Variants in DNAJC1 observed in about 807,000 individuals in gnomAD.
DNAJC1 encodes DnaJ heat shock protein family (Hsp40) member C1.
A neutral mutation model predicts 76.6 loss-of-function variants in DNAJC1; 58 were observed. That is an observed-to-expected ratio of 0.76 (90% CI 0.61 to 0.94). DNAJC1 has a LOEUF of 0.94. Ranked by LOEUF, DNAJC1 falls within the 40% of genes least tolerant of loss-of-function variation. The probability of loss-of-function intolerance (pLI) is 0.00; values close to 1 mark genes in which losing one functional copy is unlikely to be tolerated. For missense variants in DNAJC1, 689 were observed against 677.3 expected (o/e 1.02, Z -0.19); for synonymous variants, 258 against 267.9 (o/e 0.96, Z 0.36).
intron 8 of DNAJC1, among the ~76,000 whole-genome samples, chr10:21,853,787 C>CAAA (rs1011936425): frequency 1.8e-3 from 23 of 12,592 alleles, no homozygotes; most frequent in African/African-American, 2.4e-3. Flanking sequence ...GACTCCATCT[C>CAAA]AAAAAAAAAA....
intron 1 of DNAJC1, among the ~76,000 whole-genome samples, chr10:21,992,874 G>A (rs1463222734): frequency 6.6e-6 from 1 of 152,130 alleles, no homozygotes; most frequent in Non-Finnish European, 1.5e-5. Flanking sequence ...TTACTCTGGA[G>A]TTATTGTAAA....
At chr10:21,913,384 T>C (rs2131758702) in intron 6 of DNAJC1, among the ~76,000 whole-genome samples, 1 of 152,300 alleles carries the variant, frequency 6.6e-6, no homozygotes, top group African/African-American at 2.4e-5. Flanking sequence ...TGCAGAGAAC[T>C]GTGTCTATGA....
intron 10 of DNAJC1, among the ~76,000 whole-genome samples, chr10:21,764,504 T>A (rs1479342815): frequency 6.6e-6 from 1 of 152,218 alleles, no homozygotes. Context: ...CTGTAGAAGG[T>A]CATTTTCCCC....
chr10:21,890,491 CA>C (rs1836444970), intron 7 of DNAJC1, among the ~76,000 whole-genome samples: 1 of 149,546 alleles, frequency 6.7e-6, no homozygotes, highest in Admixed American at 6.6e-5. Context: ...CCAATGGTAA[CA>C]AAGCCATCCC....
At chr10:21,887,123 G>T (rs1267395310) in intron 7 of DNAJC1, among the ~76,000 whole-genome samples, 2 of 151,840 alleles carry the variant, frequency 1.3e-5, no homozygotes, top group African/African-American at 4.8e-5. Flanking sequence ...AAATCAGAAA[G>T]GCAATCCTAT....
chr10:21,771,809 C>A (rs1032125117), intron 9 of DNAJC1, among the ~76,000 whole-genome samples: 1 of 152,142 alleles, frequency 6.6e-6, no homozygotes, highest in African/African-American at 2.4e-5. Flanking sequence ...AAACACTTCT[C>A]TTGAGATGAT....
chr10:21,966,428 G>T (rs1277500455), intron 1 of DNAJC1, among the ~76,000 whole-genome samples: 1 of 87,052 alleles, frequency 1.1e-5, no homozygotes. Context: ...TGTTTATCTA[G>T]TGGTGATTTT....
chr10:21,996,427 C>T (rs1200614852), intron 1 of DNAJC1, among the ~76,000 whole-genome samples: 1 of 152,204 alleles, frequency 6.6e-6, no homozygotes, highest in Admixed American at 6.5e-5. Context: ...TCTCAGCAAT[C>T]AAGTCAAATA....
intron 1 of DNAJC1, among the ~76,000 whole-genome samples, chr10:21,981,304 T>C (rs1317932408): frequency 1.3e-5 from 2 of 152,200 alleles, no homozygotes; most frequent in Non-Finnish European, 2.9e-5. Flanking sequence ...TGAATGATAA[T>C]TCTATCATTT....
intron 1 of DNAJC1, among the ~76,000 whole-genome samples, chr10:21,968,475 A>G (rs1009342305): frequency 2.0e-5 from 3 of 151,318 alleles, no homozygotes; most frequent in African/African-American, 7.3e-5. Flanking sequence ...TTTTCTCCAT[A>G]CTTTAAATTC....
At chr10:21,895,635 G>C (rs1026577252) in intron 7 of DNAJC1, among the ~76,000 whole-genome samples, 3 of 152,196 alleles carry the variant, frequency 2.0e-5, no homozygotes, top group African/African-American at 7.2e-5. Flanking sequence ...AAGTATGCTT[G>C]AGGGAGAATG....
chr10:21,770,820 A>T (rs1416044994), intron 9 of DNAJC1, among the ~76,000 whole-genome samples: 1 of 152,136 alleles, frequency 6.6e-6, no homozygotes, highest in Non-Finnish European at 1.5e-5. Flanking sequence ...CCTTTGACTC[A>T]CAAAAGTTTT....
At chr10:21,998,157 G>A (rs1359468792) in intron 1 of DNAJC1, among the ~76,000 whole-genome samples, 1 of 152,064 alleles carries the variant, frequency 6.6e-6, no homozygotes, top group Non-Finnish European at 1.5e-5. Context: ...TTGGGAGGCC[G>A]AGGTGGGTGG....
At position 21,945,499 on chromosome 10, in the gene DNAJC1, A is replaced by G. The variant is rs570318185; in HGVS notation, c.223-16358T>C. On this transcript the variant is annotated intron_variant, in intron 1 of 11. Transcript: ENST00000376980. ...CTGACAGTATGTTTCCAGAGCAGGA[A>G]GGGGTAGAGTAAGGGACAGAATCCA... 7.9e-5 allele frequency among the ~76,000 whole-genome samples: 12 copies of G among 152,286 alleles called. No individual in the cohort carries two copies. In the East Asian group the frequency reaches 1.3e-3, roughly 17 times the overall value.
chr10:21,827,384 C>T (rs576215643), intron 8 of DNAJC1, among the ~76,000 whole-genome samples: 1 of 152,272 alleles, frequency 6.6e-6, no homozygotes, highest in South Asian at 2.1e-4. Flanking sequence ...TAGTATTCCA[C>T]TGTGTCTTCA....
intron 1 of DNAJC1, among the ~76,000 whole-genome samples, chr10:21,937,712 G>A (rs985535602): frequency 3.9e-5 from 6 of 152,026 alleles, no homozygotes; most frequent in African/African-American, 1.2e-4. Context: ...CCCTATTTTA[G>A]GCTATTAAAT....
intron 7 of DNAJC1, among the ~76,000 whole-genome samples, chr10:21,897,355 A>C (rs1306366085): frequency 2.6e-5 from 4 of 152,194 alleles, no homozygotes; most frequent in Admixed American, 1.3e-4. Context: ...AATCACAATT[A>C]TTGATAGAGG....
intron 3 of DNAJC1, among the ~76,000 whole-genome samples, chr10:21,924,196 G>A (rs1207470176): frequency 6.6e-6 from 1 of 151,936 alleles, no homozygotes; most frequent in African/African-American, 2.4e-5. Context: ...TAGGAAAGGT[G>A]CCAAAATAAA....
chr10:21,971,486 A>T (rs1163346555), intron 1 of DNAJC1, among the ~76,000 whole-genome samples: 1 of 151,864 alleles, frequency 6.6e-6, no homozygotes, highest in East Asian at 1.9e-4. Flanking sequence ...GCAACTGAAA[A>T]CAGAATTTGA....
Sources: gnomAD v4.1 joint callset for allele counts (sites outside exome capture counted in the v4.1 genomes callset) on GRCh38, gnomAD v4.1.1 for gene constraint, MANE v1.5 for transcripts, NCBI Gene and HGNC (gene_info 2026-07-23, HGNC 2026-07-21) for gene names.